Variants in UBXN11 observed in about 807,000 individuals in gnomAD.
UBXN11 encodes UBX domain-containing protein 11.
UBXN11 carries 47 observed loss-of-function variants against 62.8 expected under a neutral mutation model. The ratio of observed to expected loss-of-function variants is 0.75; its 90% confidence interval spans 0.59 to 0.95. The LOEUF (loss-of-function observed/expected upper bound fraction) is 0.95. UBXN11 is among the 40% of genes least tolerant of loss of function. The pLI is 0.00. For missense variants in UBXN11, 638 were observed against 661.7 expected, an observed-to-expected ratio of 0.96 and a Z score of 0.39; for synonymous variants, 294 against 267.0, an observed-to-expected ratio of 1.10 and a Z score of -0.99.
At chr1:26,316,300 G>T (rs1444965703) in intron 1 of UBXN11, among the ~76,000 whole-genome samples, 1 of 151,904 alleles carries the variant, frequency 6.6e-6, no homozygotes, top group African/African-American at 2.4e-5. Flanking sequence ...GCCTCAGCCA[G>T]ATCTCCCCTG....
At chr1:26,314,065 C>G (rs1466342666) in intron 1 of UBXN11, among the ~76,000 whole-genome samples, 2 of 152,144 alleles carry the variant, frequency 1.3e-5, no homozygotes, top group Non-Finnish European at 2.9e-5. Flanking sequence ...CAGGTGTTAG[C>G]CACCGCGCCC....
At chr1:26,291,540 G>C (rs1156870237) in intron 8 of UBXN11, among the ~76,000 whole-genome samples, 3 of 152,166 alleles carry the variant, frequency 2.0e-5, no homozygotes, top group Non-Finnish European at 4.4e-5. Context: ...AATCCACAGA[G>C]CCAGGTCCAG....
Position 26,296,958 on chromosome 1 carries a change from C to G in UBXN11, c.393G>C (p.Thr131=), listed in dbSNP as rs377372695. Residue 131 remains threonine, a synonymous_variant, in exon 7 of 15, where the codon ACG becomes ACC. Coordinates refer to ENST00000374222, the MANE Select transcript of UBXN11 (RefSeq NM_001389556.1). ...CCTGCCGCTGCAGCTGCACACACATCGTCTCCAGTTCCTCCTGCCGCTGCA... is the reference window on the plus strand; with the variant it reads ...CCTGCCGCTGCAGCTGCACACACATGGTCTCCAGTTCCTCCTGCCGCTGCA... The part of the protein sequence containing the change: ...ATLQRQEELE[T]MCVQLQRQVR... The G allele has an allele frequency of 2.5e-6, 4 of 1,608,066 alleles. No individual in the cohort carries two copies.
rs1255123104 is a variant in UBXN11, at chr1:26,294,263, C to T, written c.501G>A (p.Lys167=). The T allele has an allele frequency of 9.9e-6, 16 of 1,614,114 alleles. No individual in the cohort carries two copies. The highest frequency in any genetic ancestry group is 1.4e-5 in the Non-Finnish European group (16 of 1,180,022). The change falls in exon 8 of 15, where the codon AAG becomes AAA. Residue 167 remains lysine, a synonymous_variant. Coordinates refer to ENST00000374222, the MANE Select transcript of UBXN11 (RefSeq NM_001389556.1). ...EPMDQEDSES[K]TVSEHGERDW... is the part of the protein sequence containing the mutation. The stretch of plus-strand genomic sequence containing the variant: ...CCCTCTCGCCATGCTCTGAGACTGT[C>T]TTGCTCTCTGAGTCCTCCTGGTCCA...
Position 26,298,015 on chromosome 1 carries a change from AC to A in UBXN11, c.246del (p.Lys82AsnfsTer9), listed in dbSNP as rs749960469. ...TTCACCTGCTGCTCCAGGTCCCACA[AC>A]TTCCTCGTCATGAAGGCCATCAGCT... ...DSELMAFMTR[K>X]LWDLEQQVKA... On this transcript the variant is annotated frameshift_variant, in exon 5 of 15. Transcript: ENST00000374222. LOFTEE classifies it high-confidence loss of function. 6.2e-7 allele frequency: 1 copy of A among 1,613,878 alleles called. No individual in the cohort carries two copies. Among genetic ancestry groups the A allele is most frequent in the South Asian group, 1.1e-5 (1 of 91,064 alleles).
upstream of UBXN11, among the ~76,000 whole-genome samples, chr1:26,308,705 C>T (rs1052431920): frequency 1.8e-4 from 27 of 152,116 alleles, no homozygotes; most frequent in African/African-American, 6.0e-4. Context: ...GATAAGCAAG[C>T]GTGGGAAGCA....
chr1:26,293,870 T>A (rs1445603385), intron 8 of UBXN11, among the ~76,000 whole-genome samples: 1 of 152,144 alleles, frequency 6.6e-6, no homozygotes, highest in Non-Finnish European at 1.5e-5. Flanking sequence ...TGCCTTTTTT[T>A]AAAACGGCAA....
upstream of UBXN11, chr1:26,307,031 T>C (rs2073686410): frequency 6.6e-6 from 1 of 152,234 alleles, no homozygotes; most frequent in Middle Eastern, 3.2e-3. Flanking sequence ...CACGAAGTAC[T>C]GTAATACTTC....
In UBXN11 at chr1:26,282,585, A is replaced by G; in HGVS notation, c.1293-16T>C. The stretch of plus-strand genomic sequence containing the variant: ...ATCCATGACCCTGGGGACCAGGCAG[A>G]GCAGATCAGGCTGGGCAGTGGGACC... On this transcript the variant is annotated splice_polypyrimidine_tract_variant and intron_variant, in intron 14 of 14. Transcript: ENST00000374222. 1 of 1,610,134 alleles carries G rather than the reference A, an allele frequency of 6.2e-7. No individual in the cohort carries two copies. Among genetic ancestry groups the G allele is most frequent in the Non-Finnish European group, 8.5e-7 (1 of 1,177,486 alleles).
chr1:26,285,562 T>G (rs1570084522), intron 9 of UBXN11, 21 bp from the exon 10 acceptor site: 1 of 1,547,300 alleles, frequency 6.5e-7, no homozygotes, highest in South Asian at 1.2e-5. Context: ...AGAGGAAAAG[T>G]GAGGGGGTGG....
At chr1:26,291,794 C>T (rs931612554) in intron 8 of UBXN11, among the ~76,000 whole-genome samples, 1 of 152,214 alleles carries the variant, frequency 6.6e-6, no homozygotes, top group Non-Finnish European at 1.5e-5. Flanking sequence ...CCACGACACC[C>T]ACCCTGGGTT....
intron 7 of UBXN11, among the ~76,000 whole-genome samples, chr1:26,296,074 G>A (rs1238952699): frequency 1.3e-5 from 2 of 152,210 alleles, no homozygotes; most frequent in East Asian, 1.9e-4. Context: ...TTGGGACTTT[G>A]GAAACCAATT....
At chr1:26,294,062 CA>C (rs2073337021) in intron 8 of UBXN11, 142 bp downstream of exon 8, 5 of 1,316,944 alleles carry the variant, frequency 3.8e-6, no homozygotes, top group Non-Finnish European at 5.2e-6. Flanking sequence ...CACATTGTCT[CA>C]GGGGCAAGTT....
At chr1:26,313,782 C>CTTTTTTTTTTTTTTTTT in intron 1 of UBXN11, among the ~76,000 whole-genome samples, 1 of 125,904 alleles carries the variant, frequency 7.9e-6, no homozygotes, top group Non-Finnish European at 1.7e-5. Flanking sequence ...AATTTTTTTT[C>CTTTTTTTTTTTTTTTTT]TTTTTTTTTT....
At chr1:26,309,498 A>G (rs559684901), upstream of UBXN11, among the ~76,000 whole-genome samples, 1 of 152,002 alleles carries the variant, frequency 6.6e-6, no homozygotes, top group Non-Finnish European at 1.5e-5. Context: ...TCAGCCTCCC[A>G]AAGTGCTGGG....
At chr1:26,286,251 C>T (rs990725632) in intron 8 of UBXN11, among the ~76,000 whole-genome samples, 1 of 152,260 alleles carries the variant, frequency 6.6e-6, no homozygotes, top group Non-Finnish European at 1.5e-5. Context: ...TCCATTCCCA[C>T]TTCTTATCAA....
At chr1:26,289,126 G>A (rs2073198783) in intron 8 of UBXN11, among the ~76,000 whole-genome samples, 2 of 152,162 alleles carry the variant, frequency 1.3e-5, no homozygotes, top group Non-Finnish European at 2.9e-5. Context: ...CATGCCCCTC[G>A]CCTTGCGCTC....
At chr1:26,290,876 C>G (rs1388597474) in intron 8 of UBXN11, among the ~76,000 whole-genome samples, 1 of 152,018 alleles carries the variant, frequency 6.6e-6, no homozygotes, top group African/African-American at 2.4e-5. Context: ...CAGAGCTGAC[C>G]AGAGCTCTCA....
chr1:26,314,067 A>T (rs1054886521), intron 1 of UBXN11, among the ~76,000 whole-genome samples: 1 of 152,142 alleles, frequency 6.6e-6, no homozygotes, highest in Non-Finnish European at 1.5e-5. Context: ...GGTGTTAGCC[A>T]CCGCGCCCGG....
Sources: gnomAD v4.1 joint callset for allele counts (sites outside exome capture counted in the v4.1 genomes callset) on GRCh38, gnomAD v4.1.1 for gene constraint, MANE v1.5 for transcripts, NCBI Gene and HGNC (gene_info 2026-07-23, HGNC 2026-07-21) for gene names.